CACNA1C: variants seen among roughly 807,000 people sequenced by gnomAD.
CACNA1C encodes the protein calcium voltage-gated channel subunit alpha1 C.
CACNA1C carries 30 observed loss-of-function variants against 229.0 expected under a neutral mutation model. The ratio of observed to expected loss-of-function variants is 0.13; its 90% CI spans 0.10 to 0.18. The LOEUF (loss-of-function observed/expected upper bound fraction) is 0.18, where lower values mean the gene tolerates loss of function less well. Among genes scored for constraint, CACNA1C ranks in the 10% least tolerant of loss-of-function variants. CACNA1C has a pLI of 1.00. For missense variants in CACNA1C, 1,658 were observed against 2,845.0 expected (o/e 0.58, Z 9.49); for synonymous variants, 1,114 against 1,132.5 (o/e 0.98, Z 0.33).
chr12:2,036,438 T>A (rs2049151384), intron 1 of CACNA1C, among the ~76,000 whole-genome samples: 1 of 152,178 alleles, frequency 6.6e-6, no homozygotes, highest in South Asian at 2.1e-4. Context: ...CAGAGGGCAG[T>A]TGTATGGGAC....
intron 1 of CACNA1C, among the ~76,000 whole-genome samples, chr12:2,019,575 GAA>G (rs1173030592): frequency 8.7e-6 from 1 of 114,530 alleles, no homozygotes; most frequent in Non-Finnish European, 1.8e-5. Context: ...GGAAAGAAAA[GAA>G]AGAGAGAGAG....
chr12:2,582,749 G>A (rs1197733829), intron 14 of CACNA1C, 73 bp from the exon 15 acceptor site: 25 of 1,547,106 alleles, frequency 1.6e-5, no homozygotes, highest in South Asian at 2.4e-5. Flanking sequence ...ACGTAGTGGG[G>A]CAGGGCAGGG....
intron 3 of CACNA1C, among the ~76,000 whole-genome samples, chr12:2,374,920 C>A (rs2097997641): frequency 6.6e-6 from 1 of 152,202 alleles, no homozygotes; most frequent in Non-Finnish European, 1.5e-5. Context: ...ACATCGGGAT[C>A]TGTGGCAGGA....
chr12:2,066,928 C>T (rs2059456229), intron 1 of CACNA1C, among the ~76,000 whole-genome samples: 1 of 151,928 alleles, frequency 6.6e-6, no homozygotes, highest in African/African-American at 2.4e-5. Flanking sequence ...TGGAGTGGGG[C>T]CTGAGCTTGA....
chr12:2,366,684 G>C (rs6489368), intron 3 of CACNA1C, among the ~76,000 whole-genome samples: 114,806 of 152,064 alleles, frequency 0.75, 43,659 homozygotes, highest in Middle Eastern at 0.82. Context: ...CTTTTTGGCA[G>C]CAGGGACCAT....
At chr12:2,495,784 GTGTGTGTGCATTTGTA>G (rs1222755157) in intron 7 of CACNA1C, among the ~76,000 whole-genome samples, 2 of 152,184 alleles carry the variant, frequency 1.3e-5, no homozygotes, top group Admixed American at 6.5e-5. Context: ...GCCATGTTGT[GTGTGTGTGCATTTGTA>G]TGTGTGTGCA....
chr12:2,300,083 A>T (rs889607491), intron 3 of CACNA1C, among the ~76,000 whole-genome samples: 1 of 152,254 alleles, frequency 6.6e-6, no homozygotes, highest in African/African-American at 2.4e-5. Flanking sequence ...GTGAAGTCTG[A>T]GGCAAATCTA....
chr12:2,497,747 T>A lies in CACNA1C; in HGVS notation c.1113+4361T>A, dbSNP rs1004208. On this transcript the variant is annotated intron_variant, in intron 7 of 46. Coordinates refer to ENST00000399655, the MANE Select transcript of CACNA1C (RefSeq NM_000719.7). ...TAAAAATTAAACTTAAAAATTAGGT[T>A]ATAAAAAATACTTAATGAGAAATCA... Among the ~76,000 whole-genome samples the A allele has an allele frequency of 8.4e-3, 1,279 of 152,238 alleles. 10 individuals are homozygous for A. Among genetic ancestry groups the A allele is most frequent in the African/African-American group, 0.027 (1,117 of 41,534 alleles).
At chr12:2,260,783 G>A (rs2079845642) in intron 3 of CACNA1C, among the ~76,000 whole-genome samples, 2 of 152,212 alleles carry the variant, frequency 1.3e-5, no homozygotes. Context: ...GGGCTATTCT[G>A]AGAATTAAAT....
intron 3 of CACNA1C, among the ~76,000 whole-genome samples, chr12:2,373,406 G>A (rs879882787): frequency 6.6e-6 from 1 of 152,124 alleles, no homozygotes; most frequent in Non-Finnish European, 1.5e-5. Context: ...TATACAATGG[G>A]GAGTTTTGGG....
At chr12:2,112,848 A>G (rs1004849048) in intron 1 of CACNA1C, among the ~76,000 whole-genome samples, 23 of 152,234 alleles carry the variant, frequency 1.5e-4, no homozygotes, top group Admixed American at 1.0e-3. Context: ...ATCAATTGGC[A>G]TAAAAGTTGA....
At chr12:2,637,523 TG>T (rs2092938871) in intron 30 of CACNA1C, among the ~76,000 whole-genome samples, 1 of 152,234 alleles carries the variant, frequency 6.6e-6, no homozygotes, top group Non-Finnish European at 1.5e-5. Context: ...CCCATAACTC[TG>T]GGCCTTGAGG....
chr12:2,430,962 T>C (rs1047433628), intron 3 of CACNA1C, among the ~76,000 whole-genome samples: 19 of 152,160 alleles, frequency 1.2e-4, no homozygotes, highest in Admixed American at 8.5e-4. Context: ...TGTGGGCGGC[T>C]TCAGGCAAAG....
At chr12:1,993,228 G>A (rs752184904) in intron 1 of CACNA1C, 5 of 1,613,838 alleles carry the variant, frequency 3.1e-6, no homozygotes. Flanking sequence ...CCAAACTTCA[G>A]AAGTAAAACA....
intron 1 of CACNA1C, among the ~76,000 whole-genome samples, chr12:2,081,077 A>T (rs1401700327): frequency 6.6e-6 from 1 of 152,240 alleles, no homozygotes; most frequent in African/African-American, 2.4e-5. Context: ...CTAGACACTC[A>T]GTGTAGAAAA....
rs1170780094 is a variant in CACNA1C at position 2,138,714 on chromosome 12, G to A, written c.477+18284G>A. On this transcript the variant is annotated intron_variant, in intron 3 of 46. Coordinates refer to ENST00000399655, the MANE Select transcript of CACNA1C (RefSeq NM_000719.7). ...TCCCCTTCCCCTTCTGCCATGAGTG[G>A]AAGCAGCCTGAGGCCCTCACCAGAA... is the stretch of plus-strand genomic sequence containing the variant. Among the ~76,000 whole-genome samples the A allele has an allele frequency of 2.6e-5, 4 of 151,086 alleles. 1 individual carries two copies. The highest frequency in any genetic ancestry group is 9.7e-5 in the African/African-American group (4 of 41,328).
chr12:2,619,633 G>A (rs2153493292), intron 29 of CACNA1C, among the ~76,000 whole-genome samples: 1 of 151,896 alleles, frequency 6.6e-6, no homozygotes, highest in East Asian at 1.9e-4. Context: ...CAACCCATTA[G>A]TCGGCTTTTC....
At chr12:2,171,470 C>T (rs1236044180) in intron 3 of CACNA1C, among the ~76,000 whole-genome samples, 1 of 152,198 alleles carries the variant, frequency 6.6e-6, no homozygotes. Flanking sequence ...GGTGGAAAAG[C>T]TCACAGACGG....
intron 3 of CACNA1C, among the ~76,000 whole-genome samples, chr12:2,429,073 G>A (rs2099058747): frequency 6.6e-6 from 1 of 152,046 alleles, no homozygotes; most frequent in Non-Finnish European, 1.5e-5. Context: ...TTTTGGTGTT[G>A]CCAACAGCCT....
Sources: allele counts gnomAD v4.1 joint callset (sites outside exome capture counted in the v4.1 genomes callset), GRCh38; gene constraint gnomAD v4.1.1; transcripts MANE v1.5; gene names NCBI Gene and HGNC (gene_info 2026-07-23, HGNC 2026-07-21).